The following OSBPL9 variants were observed in gnomAD, a reference collection of about 807,000 sequenced individuals.
The protein encoded by OSBPL9 is oxysterol binding protein like 9, also known as oxysterol-binding protein-related protein 9.
In OSBPL9, 40 loss-of-function variants were observed where a neutral mutation model predicts 106.6. The observed-to-expected ratio is 0.38, with a 90% CI of 0.29 to 0.49. The LOEUF is 0.49. OSBPL9 is among the 20% of genes least tolerant of loss of function. The pLI, the probability that OSBPL9 is intolerant of heterozygous loss-of-function variation, is 0.97. For synonymous variants in OSBPL9, 269 were observed against 295.4 expected (o/e 0.91, Z 0.92); for missense variants, 609 against 887.2 (o/e 0.69, Z 3.98).
chr1:51,654,058 AT>A (rs1483705633), intron 2 of OSBPL9, among the ~76,000 whole-genome samples: 1 of 151,940 alleles, frequency 6.6e-6, no homozygotes, highest in Non-Finnish European at 1.5e-5. Flanking sequence ...ACCTATAAGA[AT>A]TTTCCATAGT....
At chr1:51,618,929 C>T (rs538707999) in intron 1 of OSBPL9, among the ~76,000 whole-genome samples, 1 of 152,188 alleles carries the variant, frequency 6.6e-6, no homozygotes, top group Non-Finnish European at 1.5e-5. Flanking sequence ...TTACTAAAGG[C>T]AAGCTTGCAA....
chr1:51,676,809 C>CA (rs959569765), intron 3 of OSBPL9, among the ~76,000 whole-genome samples: 8 of 151,852 alleles, frequency 5.3e-5, no homozygotes, highest in African/African-American at 1.7e-4. Flanking sequence ...TAAAAAATGA[C>CA]AAAAAAACCC....
chr1:51,621,636 G>A (rs900491554), intron 1 of OSBPL9, among the ~76,000 whole-genome samples: 4 of 152,106 alleles, frequency 2.6e-5, no homozygotes, highest in Admixed American at 6.5e-5. Flanking sequence ...CTAGAATGTC[G>A]CAAACATTTC....
the OSBPL9 span, among the ~76,000 whole-genome samples, chr1:51,539,694 T>G: frequency 6.6e-6 from 1 of 152,156 alleles, no homozygotes; most frequent in African/African-American, 2.4e-5. Context: ...AGAGAGAGAT[T>G]GAGAAATTTG....
At chr1:51,602,693 G>A (rs570585184) in intron 2 of OSBPL9, among the ~76,000 whole-genome samples, 1 of 151,962 alleles carries the variant, frequency 6.6e-6, no homozygotes, top group Non-Finnish European at 1.5e-5. Flanking sequence ...GGATTCTCCC[G>A]CCTCTGCCTC....
upstream of OSBPL9, among the ~76,000 whole-genome samples, chr1:51,615,823 C>A (rs566497749): frequency 1.8e-4 from 27 of 151,994 alleles, no homozygotes; most frequent in Non-Finnish European, 3.7e-4. Context: ...CCACTGACTT[C>A]CTATTAAAAT....
the OSBPL9 span, among the ~76,000 whole-genome samples, chr1:51,560,585 A>G: frequency 6.6e-6 from 1 of 152,194 alleles, no homozygotes; most frequent in Non-Finnish European, 1.5e-5. Context: ...AATCATGGCC[A>G]AGGCCTTTAC....
chr1:51,629,548 A>C (rs575097437), intron 1 of OSBPL9, among the ~76,000 whole-genome samples: 1 of 152,292 alleles, frequency 6.6e-6, no homozygotes, highest in East Asian at 1.9e-4. Context: ...GCCACCCTGT[A>C]CAGTGTGAAA....
chr1:51,774,150 G>C (rs569373374), intron 14 of OSBPL9, among the ~76,000 whole-genome samples: 16 of 152,238 alleles, frequency 1.1e-4, no homozygotes, highest in African/African-American at 3.6e-4. Context: ...GAAGGCCATG[G>C]CAGCCCACAG....
chr1:51,767,434 C>T (rs1013813641), intron 12 of OSBPL9, among the ~76,000 whole-genome samples: 2 of 151,114 alleles, frequency 1.3e-5, no homozygotes, highest in African/African-American at 2.4e-5. Context: ...GATTTACTTT[C>T]ATTTTACTTG....
At chr1:51,580,199 T>A (rs1239975168) in intron 1 of OSBPL9, among the ~76,000 whole-genome samples, 1 of 152,346 alleles carries the variant, frequency 6.6e-6, no homozygotes, top group East Asian at 1.9e-4. Flanking sequence ...AAAAGCCTTG[T>A]GGGGTGGTGA....
At position 51,785,355 on chromosome 1, in the gene OSBPL9, A is replaced by G. The variant is rs146281868; in HGVS notation, c.1830-453A>G. On this transcript the variant is annotated intron_variant, in intron 20 of 23. Transcript: ENST00000428468. Reference sequence around the variant, plus strand: ...GCAGAATGGATCCTTGCTCAGGGAAAGTATTCACACCATCTGGCACAGAGG... The same window carrying G: ...GCAGAATGGATCCTTGCTCAGGGAAGGTATTCACACCATCTGGCACAGAGG... 1.7e-3 allele frequency: 268 copies of G among 158,460 alleles called. 1 individual carries two copies. Among genetic ancestry groups the G allele is most frequent in the African/African-American group, 6.2e-3 (259 of 41,634 alleles). 9.8% of individuals were successfully genotyped at this position (158,460 alleles called of 1,614,324 possible). A position where few individuals can be genotyped will look rare whatever the true frequency, so the allele number is the denominator to read the frequency against.
rs1676306925 is a variant in OSBPL9 at position 51,781,206 on chromosome 1, T to A, written c.1299T>A (p.Val433=). The change falls in exon 16 of 24, where the codon GTT becomes GTA. Residue 433 remains valine, a synonymous_variant. Transcript: ENST00000428468. Reference sequence around the variant, plus strand: ...ATCCCAAGGATCGAATGGTTCAGGTTGTGAAATGGTACCTCTCAGCCTTTC... The same window carrying A: ...ATCCCAAGGATCGAATGGTTCAGGTAGTGAAATGGTACCTCTCAGCCTTTC... ...QKDPKDRMVQ[V]VKWYLSAFHA... 2 of 1,613,994 alleles carry A rather than the reference T, an allele frequency of 1.2e-6. No individual in the cohort carries two copies. Among genetic ancestry groups the A allele is most frequent in the Non-Finnish European group, 1.7e-6 (2 of 1,180,020 alleles).
intron 11 of OSBPL9, among the ~76,000 whole-genome samples, chr1:51,763,698 GCT>G (rs1672002900): frequency 6.6e-6 from 1 of 152,138 alleles, no homozygotes; most frequent in Non-Finnish European, 1.5e-5. Flanking sequence ...AAAAAAAATA[GCT>G]CTCTTACTTG....
chr1:51,530,658 C>T, the OSBPL9 span, among the ~76,000 whole-genome samples: 1 of 152,110 alleles, frequency 6.6e-6, no homozygotes. Context: ...GATTGCGTCA[C>T]TGCACTCCAG....
intron 12 of OSBPL9, among the ~76,000 whole-genome samples, chr1:51,768,158 G>T (rs538369492): frequency 7.2e-5 from 11 of 151,916 alleles, no homozygotes; most frequent in African/African-American, 2.2e-4. Flanking sequence ...AGCCAGGATG[G>T]TCTCGATCTC....
At chr1:51,706,695 A>G (rs1011087970) in intron 3 of OSBPL9, among the ~76,000 whole-genome samples, 3 of 149,668 alleles carry the variant, frequency 2.0e-5, no homozygotes, top group African/African-American at 7.3e-5. Context: ...GAATTTATAT[A>G]TATATATATG....
Position 51,584,404 on chromosome 1 carries a change from G to A in OSBPL9, c.-423+7148G>A, listed in dbSNP as rs1299564827. Among the ~76,000 whole-genome samples, 7 of 152,078 alleles carry A rather than the reference G, an allele frequency of 4.6e-5. No homozygotes were observed. The East Asian group carries it at 1.3e-3, about 29-fold the overall frequency. On this transcript the variant is annotated intron_variant, in intron 1 of 25. Transcript: ENST00000371714. ...ATTTTCCCCATCTGTACAATGAAAG[G>A]GTTGGATTCTAAAGGCCTTGCATGG...
chr1:51,592,336 C>T (rs966189510), intron 1 of OSBPL9, among the ~76,000 whole-genome samples: 14 of 152,112 alleles, frequency 9.2e-5, no homozygotes, highest in Admixed American at 3.9e-4. Flanking sequence ...AGGATGGTCT[C>T]GATCTCCGGA....
Sources: gnomAD v4.1 joint callset for allele counts (sites outside exome capture counted in the v4.1 genomes callset) on GRCh38, gnomAD v4.1.1 for gene constraint, MANE v1.5 for transcripts, NCBI Gene and HGNC (gene_info 2026-07-23, HGNC 2026-07-21) for gene names.